The following NSL1 variants were observed in gnomAD, a reference collection of about 807,000 sequenced individuals.
The protein encoded by NSL1 is kinetochore-associated protein NSL1 homolog.
A neutral mutation model predicts 25.4 loss-of-function variants in NSL1; 11 were observed. That is an observed-to-expected ratio of 0.43 (90% CI 0.27 to 0.72). The LOEUF (loss-of-function observed/expected upper bound fraction) is 0.72, where lower values mean the gene tolerates loss of function less well. Among genes scored for constraint, NSL1 ranks in the 30% least tolerant of loss-of-function variants. NSL1 has a pLI of 0.19. For synonymous variants in NSL1, 118 were observed against 120.6 expected, an observed-to-expected ratio of 0.98 and a Z score of 0.14; for missense variants, 330 against 342.7, an observed-to-expected ratio of 0.96 and a Z score of 0.29.
At chr1:212,747,251 A>C (rs1366840035) in intron 4 of NSL1, among the ~76,000 whole-genome samples, 13 of 152,310 alleles carry the variant, frequency 8.5e-5, no homozygotes, top group Non-Finnish European at 1.5e-5. Context: ...CTAACAGCTC[A>C]AGTAATAGCA....
intron 4 of NSL1, among the ~76,000 whole-genome samples, chr1:212,772,929 G>A (rs1400051041): frequency 1.3e-5 from 2 of 152,050 alleles, no homozygotes; most frequent in African/African-American, 4.8e-5. Flanking sequence ...AAAGCACCAA[G>A]AACACACAAT....
At chr1:212,747,856 C>T (rs1327322739) in intron 4 of NSL1, among the ~76,000 whole-genome samples, 2 of 151,396 alleles carry the variant, frequency 1.3e-5, no homozygotes, top group Non-Finnish European at 2.9e-5. Context: ...ACCTCTGCCT[C>T]CTGGTTCAAG....
rs1660859827 is a variant in NSL1, at chr1:212,784,488, CAG to C, written c.317_318del (p.Ser106Ter). The stretch of plus-strand genomic sequence containing the variant: ...AACTGATCTTCAAGTACTTTGATGT[CAG>C]AATCTATTTGAGAAAAAAAAATGTA... ...QEASDNCFMD[S>X]DIKVLEDQFD... On this transcript the variant is annotated frameshift_variant, in exon 3 of 6. Transcript: ENST00000366977. LOFTEE classifies it high-confidence loss of function. 4 of 1,529,024 alleles carry C rather than the reference CAG, an allele frequency of 2.6e-6. No homozygotes were observed. Among genetic ancestry groups the C allele is most frequent in the African/African-American group, 1.4e-5 (1 of 72,748 alleles). The allele number at this position is 1,529,024 out of a possible 1,614,324, so 94.7% of individuals were successfully genotyped here.
chr1:212,778,745 G>C (rs1184182207), intron 4 of NSL1, among the ~76,000 whole-genome samples: 1 of 151,626 alleles, frequency 6.6e-6, no homozygotes, highest in Non-Finnish European at 1.5e-5. Flanking sequence ...ATCTCGGCTC[G>C]CTACAACCTC....
In NSL1 at chr1:212,729,746, C is replaced by T. The variant is rs1657933663; in HGVS notation, c.*8662G>A. ...CTCCTCTCTTTTCCTTTTTCCTATCCGCTCTTCTGGTGGAGATGCTCGGCT... is the reference window on the plus strand; with the variant it reads ...CTCCTCTCTTTTCCTTTTTCCTATCTGCTCTTCTGGTGGAGATGCTCGGCT... On this transcript the variant is annotated 3_prime_UTR_variant, in exon 6 of 6. Transcript: ENST00000366977. The T allele has an allele frequency of 3.0e-6, 3 of 985,050 alleles. No homozygotes were observed. The highest frequency in any genetic ancestry group is 1.8e-5 in the African/African-American group (1 of 57,046). 61.0% of individuals were successfully genotyped at this position (985,050 alleles called of 1,614,324 possible).
intron 4 of NSL1, among the ~76,000 whole-genome samples, chr1:212,777,872 T>G (rs945180474): frequency 1.3e-5 from 2 of 152,240 alleles, no homozygotes; most frequent in Non-Finnish European, 2.9e-5. Context: ...TTCAAATATG[T>G]GAAATATTTC....
chr1:212,749,146 A>C (rs1658942795), intron 4 of NSL1, among the ~76,000 whole-genome samples: 1 of 152,206 alleles, frequency 6.6e-6, no homozygotes. Flanking sequence ...GCTGTGCATT[A>C]TATGTTATAC....
intron 4 of NSL1, among the ~76,000 whole-genome samples, chr1:212,765,453 T>C (rs1248438041): frequency 3.3e-5 from 5 of 152,296 alleles, no homozygotes; most frequent in Non-Finnish European, 7.4e-5. Context: ...ATAAACATGC[T>C]ACATAACAGA....
At chr1:212,741,776 T>G (rs978370324) in intron 4 of NSL1, among the ~76,000 whole-genome samples, 1 of 152,186 alleles carries the variant, frequency 6.6e-6, no homozygotes, top group African/African-American at 2.4e-5. Flanking sequence ...TAGGTACTTA[T>G]AATAAGTAAA....
chr1:212,753,884 G>A (rs2102445777), intron 4 of NSL1, among the ~76,000 whole-genome samples: 1 of 152,302 alleles, frequency 6.6e-6, no homozygotes, highest in South Asian at 2.1e-4. Context: ...TTTAATGAGG[G>A]TGGTTAGGTA....
Position 212,736,232 on chromosome 1 carries a change from T to C in NSL1, c.*2176A>G. On this transcript the variant is annotated 3_prime_UTR_variant, in exon 6 of 6. Coordinates refer to ENST00000366977, the MANE Select transcript of NSL1 (RefSeq NM_015471.4). ...TTTGTATTTTTTGTAGAAATGGAGT[T>C]TCACTATGTTGCCCAGGCTGGGCTC... 1 of 692,148 alleles carries C rather than the reference T, an allele frequency of 1.4e-6. No individual in the cohort carries two copies. The highest frequency in any genetic ancestry group is 6.5e-5 in the South Asian group (1 of 15,280). The allele number at this position is 692,148 out of a possible 1,614,324, so 42.9% of individuals were successfully genotyped here.
intron 4 of NSL1, among the ~76,000 whole-genome samples, chr1:212,747,636 T>C (rs1172420301): frequency 6.6e-6 from 1 of 152,256 alleles, no homozygotes; most frequent in African/African-American, 2.4e-5. Flanking sequence ...TTTATTGTTT[T>C]AAGCAGCTAA....
rs562086579 is a variant in NSL1, at chr1:212,756,716, A to T, written c.500-17115T>A. On this transcript the variant is annotated intron_variant, in intron 4 of 5. Transcript: ENST00000366977. Reference sequence around the variant, plus strand: ...GTGCCTGTAATCCCAGCTAGTCTAGAGGCTGAGGCAGGAGAATCACTTGAA... The same window carrying T: ...GTGCCTGTAATCCCAGCTAGTCTAGTGGCTGAGGCAGGAGAATCACTTGAA... 4.3e-4 allele frequency among the ~76,000 whole-genome samples: 66 copies of T among 152,238 alleles called. No homozygotes were observed. In the South Asian group the frequency reaches 0.013, roughly 31 times the overall value.
chr1:212,773,721 A>G (rs991237602), intron 4 of NSL1, among the ~76,000 whole-genome samples: 11 of 152,328 alleles, frequency 7.2e-5, no homozygotes, highest in African/African-American at 2.6e-4. Context: ...CAGTATATCT[A>G]GGCAATATCC....
rs185346585 is a variant in NSL1 at position 212,730,102 on chromosome 1, T to C, written c.*8306A>G. ...CTCATCTCTATAAAAATGCAAATAT[T>C]AGCCCAGCATGGTAGCACGCGCCTG... On this transcript the variant is annotated 3_prime_UTR_variant, in exon 6 of 6. Transcript: ENST00000366977. 27 of 816,444 alleles carry C rather than the reference T, an allele frequency of 3.3e-5. No homozygotes were observed. In the African/African-American group the frequency reaches 4.3e-4, roughly 13 times the overall value. The allele number at this position is 816,444 out of a possible 1,614,324, so 50.6% of individuals were successfully genotyped here. A position where few individuals can be genotyped will look rare whatever the true frequency, so the allele number is the denominator to read the frequency against.
chr1:212,729,956 T>C lies in NSL1; in HGVS notation c.*8452A>G, dbSNP rs1299074904. ...AAACCTCCGGAAGGATTTTTTTTTT[T>C]AAGAATGAAATGGGCCGGGCGTGGC... On this transcript the variant is annotated 3_prime_UTR_variant, in exon 6 of 6. Transcript: ENST00000366977. 5.1e-6 allele frequency: 5 copies of C among 984,710 alleles called. No homozygotes were observed. The South Asian group carries it at 1.9e-4, about 37-fold the overall frequency. 61.0% of individuals were successfully genotyped at this position (984,710 alleles called of 1,614,324 possible).
intron 1 of NSL1, among the ~76,000 whole-genome samples, chr1:212,788,543 C>T (rs6679350): frequency 0.4 from 61,200 of 151,964 alleles, 13,961 homozygotes; most frequent in Non-Finnish European, 0.51. Context: ...AAAACAAAAA[C>T]AAACAAAAAA....
At chr1:212,766,487 CA>C (rs1240006199) in intron 4 of NSL1, among the ~76,000 whole-genome samples, 1 of 150,412 alleles carries the variant, frequency 6.6e-6, no homozygotes, top group Non-Finnish European at 1.5e-5. Context: ...ACTAAATATA[CA>C]AAAAAAATTA....
intron 4 of NSL1, among the ~76,000 whole-genome samples, chr1:212,744,543 G>A (rs1217201517): frequency 6.6e-6 from 1 of 152,158 alleles, no homozygotes; most frequent in African/African-American, 2.4e-5. Context: ...TGTCACTGAG[G>A]AGGTTCAGAC....
Sources: allele counts gnomAD v4.1 joint callset (sites outside exome capture counted in the v4.1 genomes callset), GRCh38; gene constraint gnomAD v4.1.1; transcripts MANE v1.5; gene names NCBI Gene and HGNC (gene_info 2026-07-23, HGNC 2026-07-21).